The following ADGRE2 variants were observed in gnomAD, a reference collection of about 807,000 sequenced individuals.
ADGRE2 encodes the protein adhesion G protein-coupled receptor E2, also known as CD97 antigen.
In ADGRE2, 83 loss-of-function variants were observed where a neutral mutation model predicts 100.8. The observed-to-expected ratio is 0.82, with a 90% CI of 0.69 to 0.99. The LOEUF is 0.99. Ranked by LOEUF, ADGRE2 falls within the 50% of genes least tolerant of loss-of-function variation. The pLI, the probability that ADGRE2 is intolerant of heterozygous loss-of-function variation, is 0.00. For synonymous variants in ADGRE2, 355 were observed against 413.0 expected (o/e 0.86, Z 1.70); for missense variants, 814 against 1,035.7 (o/e 0.79, Z 2.94).
Position 14,754,117 on chromosome 19 carries a change from C to G in ADGRE2, c.1590+837G>C, listed in dbSNP as rs530908665. Among the ~76,000 whole-genome samples the G allele has an allele frequency of 4.7e-5, 7 of 149,490 alleles. No homozygotes were observed. The South Asian group carries it at 1.3e-3, about 27-fold the overall frequency. ...AAGAGAGACTGGCCTAGCCTCCCAGCCTACATCTTTCTCCTGTGCTGGATG... is the reference window on the plus strand; with the variant it reads ...AAGAGAGACTGGCCTAGCCTCCCAGGCTACATCTTTCTCCTGTGCTGGATG... On this transcript the variant is annotated intron_variant, in intron 14 of 20. Transcript: ENST00000315576.
intron 6 of ADGRE2, 152 bp from the exon 7 acceptor site, chr19:14,766,533 A>G: frequency 1.1e-6 from 1 of 888,736 alleles, no homozygotes; most frequent in Non-Finnish European, 1.7e-6. Context: ...TTCACCTTCA[A>G]AGCATCTTAT....
chr19:14,772,801 C>T lies in ADGRE2; in HGVS notation c.200-304G>A, dbSNP rs539440425. 7.3e-5 allele frequency among the ~76,000 whole-genome samples: 11 copies of T among 151,350 alleles called. No individual in the cohort carries two copies. The East Asian group carries it at 1.2e-3, about 16-fold the overall frequency. ...GTAGAAATTTAAACCCCATGGCAGC[C>T]GGGTGCAGTGGCTCATACCTGTAAT... On this transcript the variant is annotated intron_variant, in intron 4 of 20. Transcript: ENST00000315576.
intron 13 of ADGRE2, 74 bp from the exon 14 acceptor site, chr19:14,755,201 A>G: frequency 6.8e-7 from 1 of 1,477,194 alleles, no homozygotes; most frequent in Non-Finnish European, 9.3e-7. Flanking sequence ...TGGGAGGCTG[A>G]AGCAGGTGGA....
downstream of ADGRE2, among the ~76,000 whole-genome samples, chr19:14,727,902 C>T (rs2042643520): frequency 6.6e-6 from 1 of 152,162 alleles, no homozygotes; most frequent in Non-Finnish European, 1.5e-5. Context: ...CCTTGGAATT[C>T]AGAGTTTATA....
At chr19:14,757,411 A>T (rs567083845) in intron 11 of ADGRE2, among the ~76,000 whole-genome samples, 65,972 of 151,802 alleles carry the variant, frequency 0.43, 15,448 homozygotes, top group African/African-American at 0.6. Flanking sequence ...AGGAATCCAA[A>T]TACCCAAAAA....
At chr19:14,728,493 C>T (rs1007630388), downstream of ADGRE2, among the ~76,000 whole-genome samples, 1 of 152,082 alleles carries the variant, frequency 6.6e-6, no homozygotes, top group African/African-American at 2.4e-5. Context: ...TATGTAGAAA[C>T]TTTGTCTTAT....
chr19:14,743,550 A>T lies in ADGRE2; in HGVS notation c.2353-20T>A. ...CCGGACCTGCAGAGGCAAAGTGTGT[A>T]CTGGGTCAGCTCACAGAGAGCAGTG... is the stretch of plus-strand genomic sequence containing the variant. On this transcript the variant is annotated intron_variant, in intron 19 of 20. Transcript: ENST00000315576. 1.2e-6 allele frequency: 2 copies of T among 1,613,154 alleles called. No individual in the cohort carries two copies. The highest frequency in any genetic ancestry group is 1.7e-6 in the Non-Finnish European group (2 of 1,179,116).
chr19:14,756,433 T>C (rs1346086526), intron 11 of ADGRE2, 88 bp from the exon 12 acceptor site: 1 of 789,968 alleles, frequency 1.3e-6, no homozygotes, highest in African/African-American at 1.7e-5. Context: ...ATATATACTA[T>C]ATACATATAT....
chr19:14,752,318 G>T lies in ADGRE2; in HGVS notation c.1788+11C>A, dbSNP rs184841520. On this transcript the variant is annotated intron_variant, in intron 15 of 20. Coordinates refer to ENST00000315576, the MANE Select transcript of ADGRE2 (RefSeq NM_013447.4). ...AAGGAAGGGAGCCCTCTGGAACACCGCTGTCAATACCTTGTGTCCGGTTTG... is the reference window on the plus strand; with the variant it reads ...AAGGAAGGGAGCCCTCTGGAACACCTCTGTCAATACCTTGTGTCCGGTTTG... 3 of 1,613,730 alleles carry T rather than the reference G, an allele frequency of 1.9e-6. No homozygotes were observed. The highest frequency in any genetic ancestry group is 2.7e-5 in the African/African-American group (2 of 74,898).
At chr19:14,730,506 A>G (rs2042661804), downstream of ADGRE2, among the ~76,000 whole-genome samples, 1 of 88,990 alleles carries the variant, frequency 1.1e-5, no homozygotes, top group African/African-American at 3.9e-5. Context: ...TCCTTTCTCT[A>G]TCTCCTTTCT....
intron 11 of ADGRE2, 60 bp from the exon 12 acceptor site, chr19:14,756,405 G>A: frequency 9.5e-7 from 1 of 1,049,994 alleles, no homozygotes; most frequent in Non-Finnish European, 1.5e-6. Context: ...TGCAGTGGTT[G>A]ATATACTATG....
downstream of ADGRE2, among the ~76,000 whole-genome samples, chr19:14,728,098 A>C (rs900661551): frequency 3.9e-5 from 6 of 152,306 alleles, no homozygotes; most frequent in African/African-American, 1.4e-4. Flanking sequence ...CTGTAGTCCC[A>C]ACTACTCGGG....
At chr19:14,742,077 C>G (rs1210216134) in intron 20 of ADGRE2, 1 of 398,516 alleles carries the variant, frequency 2.5e-6, no homozygotes, top group African/African-American at 2.1e-5. Flanking sequence ...GCTTGAACCA[C>G]TGTTCCTGGC....
chr19:14,746,138 C>G (rs2043078890), intron 18 of ADGRE2, 94 bp downstream of exon 18: 3 of 727,588 alleles, frequency 4.1e-6, no homozygotes, highest in Admixed American at 2.4e-5. Context: ...TTCAAAAGAC[C>G]CTGAGAAGGG....
At chr19:14,772,645 C>G (rs756934836) in intron 4 of ADGRE2, 148 bp from the exon 5 acceptor site, 6 of 932,280 alleles carry the variant, frequency 6.4e-6, no homozygotes, top group Non-Finnish European at 9.7e-6. Context: ...TATGCTGCAG[C>G]TGGAGCAGGC....
Position 14,776,976 on chromosome 19 carries a change from G to GCGCGCACACACACACACA in ADGRE2, c.-171-50_-171-49insTGTGTGTGTGTGTGCGCG, listed in dbSNP as rs71166800. On this transcript the variant is annotated intron_variant, in intron 1 of 20. Coordinates refer to ENST00000315576, the MANE Select transcript of ADGRE2 (RefSeq NM_013447.4). ...ATAAAAACACAGAACCAGGGGCGCT[G>GCGCGCACACACACACACA]CACACACACACACACACACACACAC... is the stretch of plus-strand genomic sequence containing the variant. 26 of 1,026,214 alleles carry GCGCGCACACACACACACA rather than the reference G, an allele frequency of 2.5e-5. No individual in the cohort carries two copies. In the East Asian group the frequency reaches 5.5e-4, roughly 22 times the overall value. 63.6% of individuals were successfully genotyped at this position (1,026,214 alleles called of 1,614,324 possible).
intron 1 of ADGRE2, 44 bp downstream of exon 1, chr19:14,778,213 G>A (rs149194883): frequency 2.6e-3 from 389 of 152,318 alleles, no homozygotes; most frequent in Non-Finnish European, 4.6e-3. Context: ...ACCAGCCTGG[G>A]CAACATGGCA....
At chr19:14,774,922 C>T (rs925495298) in intron 2 of ADGRE2, among the ~76,000 whole-genome samples, 1 of 151,104 alleles carries the variant, frequency 6.6e-6, no homozygotes, top group Admixed American at 6.6e-5. Context: ...GATCTGCCGG[C>T]CTTGGCCTCC....
chr19:14,726,436 C>T, the ADGRE2 span, among the ~76,000 whole-genome samples: 1 of 152,180 alleles, frequency 6.6e-6, no homozygotes. Flanking sequence ...CTGCAGCCCT[C>T]TTAAATTCTT....
Sources: allele counts gnomAD v4.1 joint callset (sites outside exome capture counted in the v4.1 genomes callset), GRCh38; gene constraint gnomAD v4.1.1; transcripts MANE v1.5; gene names NCBI Gene and HGNC (gene_info 2026-07-23, HGNC 2026-07-21).